The following FAM227B variants were observed in gnomAD, a reference collection of about 807,000 sequenced individuals.
FAM227B encodes the protein protein FAM227B.
Under a neutral mutation model 73.8 loss-of-function variants are expected in FAM227B, and 88 were observed. That is an observed-to-expected ratio of 1.19 (90% CI 1.00 to 1.42). FAM227B has a LOEUF of 1.42. Ranked by LOEUF, FAM227B falls within the 40% of genes most tolerant of loss-of-function variation. The pLI, the probability that FAM227B is intolerant of heterozygous loss-of-function variation, is 0.00. For missense variants in FAM227B, 632 were observed against 590.9 expected (o/e 1.07, Z -0.72); for synonymous variants, 210 against 190.5 (o/e 1.10, Z -0.84).
intron 13 of FAM227B, among the ~76,000 whole-genome samples, chr15:49,343,317 G>A (rs906646163): frequency 6.6e-6 from 1 of 151,872 alleles, no homozygotes; most frequent in Admixed American, 6.6e-5. Context: ...ACAGTCTATT[G>A]ATAAAACTTT....
intron 11 of FAM227B, among the ~76,000 whole-genome samples, chr15:49,465,376 T>G (rs1260903651): frequency 6.6e-6 from 1 of 151,786 alleles, no homozygotes; most frequent in Non-Finnish European, 1.5e-5. Flanking sequence ...GCTCAAGTGA[T>G]CTGCCCACCT....
chr15:49,458,648 T>C (rs1348915482), intron 11 of FAM227B, among the ~76,000 whole-genome samples: 1 of 152,140 alleles, frequency 6.6e-6, no homozygotes, highest in Non-Finnish European at 1.5e-5. Context: ...CTGACTTTCA[T>C]ACAAATGGGA....
At chr15:49,470,329 G>T (rs904020323) in intron 11 of FAM227B, among the ~76,000 whole-genome samples, 1 of 152,026 alleles carries the variant, frequency 6.6e-6, no homozygotes, top group Non-Finnish European at 1.5e-5. Context: ...AGTCAGATAT[G>T]AAATTTTTTG....
At chr15:49,546,699 C>G (rs1567543931) in intron 9 of FAM227B, among the ~76,000 whole-genome samples, 1 of 152,102 alleles carries the variant, frequency 6.6e-6, no homozygotes, top group Admixed American at 6.5e-5. Flanking sequence ...TTGCATTTCT[C>G]TGATGGCCAG....
chr15:49,474,538 G>C (rs115241943), intron 11 of FAM227B, among the ~76,000 whole-genome samples: 29 of 152,264 alleles, frequency 1.9e-4, no homozygotes, highest in African/African-American at 6.5e-4. Flanking sequence ...AGGTAAAAGA[G>C]AGGCATCAGT....
Position 49,452,047 on chromosome 15 carries a change from A to AT in FAM227B, c.1012+56163dup, listed in dbSNP as rs1004537305. 4.9e-3 allele frequency among the ~76,000 whole-genome samples: 715 copies of AT among 146,382 alleles called. 5 individuals are homozygous for AT. Among genetic ancestry groups the AT allele is most frequent in the East Asian group, 0.015 (77 of 5,036 alleles). On this transcript the variant is annotated intron_variant, in intron 11 of 15. Coordinates refer to ENST00000299338, the MANE Select transcript of FAM227B (RefSeq NM_152647.3). ...CAAAATTTGATTCAATACCAACCAG[A>AT]TTTTTTTTTTTTGAGATAGAGTCTT...
In FAM227B at chr15:49,397,342, G is replaced by T. The variant is rs370906436; in HGVS notation, c.1013-25943C>A. Among the ~76,000 whole-genome samples, 2 of 152,048 alleles carry T rather than the reference G, an allele frequency of 1.3e-5. 1 individual carries two copies. Among genetic ancestry groups the T allele is most frequent in the South Asian group, 4.2e-4 (2 of 4,818 alleles). ...AGCAAAGCCTCCAAGAAATATGGGG[G>T]CTATGTGAAAAGACCAAATCTACGT... On this transcript the variant is annotated intron_variant, in intron 11 of 15. Transcript: ENST00000299338.
intron 10 of FAM227B, among the ~76,000 whole-genome samples, chr15:49,524,144 T>C (rs1297194615): frequency 1.3e-5 from 2 of 152,152 alleles, no homozygotes; most frequent in East Asian, 3.9e-4. Context: ...CCCAACAGAA[T>C]GGGGAAAATG....
At chr15:49,464,767 T>C (rs935017746) in intron 11 of FAM227B, among the ~76,000 whole-genome samples, 3 of 152,106 alleles carry the variant, frequency 2.0e-5, no homozygotes, top group Non-Finnish European at 4.4e-5. Flanking sequence ...ACACATAGTA[T>C]CTCCGTGTAA....
intron 11 of FAM227B, among the ~76,000 whole-genome samples, chr15:49,467,347 C>A (rs1219033768): frequency 6.6e-6 from 1 of 152,036 alleles, no homozygotes; most frequent in Non-Finnish European, 1.5e-5. Flanking sequence ...TTTCTTCTAG[C>A]CCCATCAAAT....
chr15:49,470,581 A>C (rs2054650190), intron 11 of FAM227B, among the ~76,000 whole-genome samples: 1 of 152,184 alleles, frequency 6.6e-6, no homozygotes, highest in African/African-American at 2.4e-5. Flanking sequence ...CTTAATTCTC[A>C]AAATGACCTG....
intron 1 of FAM227B, among the ~76,000 whole-genome samples, chr15:49,618,101 A>C (rs2078413671): frequency 6.6e-6 from 1 of 152,092 alleles, no homozygotes; most frequent in African/African-American, 2.4e-5. Flanking sequence ...CTCCTTAATC[A>C]CATATGCAGT....
At chr15:49,372,714 T>G (rs28374976) in intron 11 of FAM227B, among the ~76,000 whole-genome samples, 1 of 151,902 alleles carries the variant, frequency 6.6e-6, no homozygotes, top group Non-Finnish European at 1.5e-5. Flanking sequence ...TCTTAACATC[T>G]GAGAAAAAAG....
At chr15:49,365,332 TGTAA>T in intron 13 of FAM227B, 1 of 1,569,418 alleles carries the variant, frequency 6.4e-7, no homozygotes. Flanking sequence ...GAACAACAAA[TGTAA>T]GTATCATGCC....
At chr15:49,588,706 CAT>C (rs1241873417) in intron 4 of FAM227B, among the ~76,000 whole-genome samples, 66 of 149,180 alleles carry the variant, frequency 4.4e-4, no homozygotes, top group Non-Finnish European at 8.3e-4. Context: ...TATACACACA[CAT>C]GGGTGTCTGT....
Position 49,611,244 on chromosome 15 carries a change from T to C in FAM227B, c.76A>G (p.Ile26Val), listed in dbSNP as rs1266834280. 7 of 1,594,090 alleles carry C rather than the reference T, an allele frequency of 4.4e-6. No homozygotes were observed. The highest frequency in any genetic ancestry group is 2.2e-5 in the East Asian group (1 of 44,578). The change falls in exon 3 of 16, where the codon ATT becomes GTT. Residue 26 changes from isoleucine to valine, a missense_variant. Coordinates refer to ENST00000299338, the MANE Select transcript of FAM227B (RefSeq NM_152647.3). The part of the protein sequence containing the change: ...PGKMQEPPKS[I>V]EEFLKFQNWD... Reference sequence around the variant, plus strand: ...TTTTGAAACTTTAAGAATTCTTCAATGCTCTTTGGAGGTTCTTGCATTTTC... The same window carrying C: ...TTTTGAAACTTTAAGAATTCTTCAACGCTCTTTGGAGGTTCTTGCATTTTC...
chr15:49,448,819 C>G (rs2151873715), intron 11 of FAM227B, among the ~76,000 whole-genome samples: 1 of 151,884 alleles, frequency 6.6e-6, no homozygotes, highest in Non-Finnish European at 1.5e-5. Context: ...CAAAACTTTT[C>G]TTGAAGCTCT....
chr15:49,369,476 A>C (rs1267428993), intron 12 of FAM227B, among the ~76,000 whole-genome samples: 1 of 152,180 alleles, frequency 6.6e-6, no homozygotes, highest in African/African-American at 2.4e-5. Context: ...GCAACTCCAT[A>C]AACTTAAGAA....
At chr15:49,365,614 A>G (rs1049319797) in intron 13 of FAM227B, 11 of 1,100,362 alleles carry the variant, frequency 1.0e-5, no homozygotes, top group Non-Finnish European at 2.8e-6. Context: ...GAATGGTGTT[A>G]TGAAAACAAA....
Sources: allele counts gnomAD v4.1 joint callset (sites outside exome capture counted in the v4.1 genomes callset), GRCh38; gene constraint gnomAD v4.1.1; transcripts MANE v1.5; gene names NCBI Gene and HGNC (gene_info 2026-07-23, HGNC 2026-07-21).